The following PLCB4 variants were observed in gnomAD, a reference collection of about 807,000 sequenced individuals.
The protein encoded by PLCB4 is phospholipase C beta 4.
PLCB4 carries 77 observed loss-of-function variants against 178.8 expected under a neutral mutation model. The ratio of observed to expected loss-of-function variants is 0.43; its 90% CI spans 0.36 to 0.52. The LOEUF (loss-of-function observed/expected upper bound fraction) is 0.52, where lower values mean the gene tolerates loss of function less well. Ranked by LOEUF, PLCB4 falls within the 20% of genes least tolerant of loss-of-function variation. The pLI, the probability that PLCB4 is intolerant of heterozygous loss-of-function variation, is 0.00. For synonymous variants in PLCB4, 496 were observed against 490.8 expected (o/e 1.01, Z -0.14); for missense variants, 1,024 against 1,453.4 (o/e 0.70, Z 4.80).
rs144796179 is a variant in PLCB4, at chr20:9,113,764, A to C, written c.-79+17422A>C. 3.0e-3 allele frequency among the ~76,000 whole-genome samples: 464 copies of C among 152,338 alleles called. 2 individuals are homozygous for C. Among genetic ancestry groups the C allele is most frequent in the African/African-American group, 0.01 (417 of 41,576 alleles). ...CAATTTTCAGTGTCCCCAAGTCATT[A>C]TCAATATTGCATTAATGTAGAAATC... is the stretch of plus-strand genomic sequence containing the variant. On this transcript the variant is annotated intron_variant, in intron 2 of 39. Coordinates refer to ENST00000378473, the MANE Select transcript of PLCB4 (RefSeq NM_001377142.1).
intron 2 of PLCB4, among the ~76,000 whole-genome samples, chr20:9,206,299 C>CTTTCTTTTTTTTTTTTTTTT (rs2093612916): frequency 1.0e-5 from 1 of 96,126 alleles, no homozygotes; most frequent in African/African-American, 3.9e-5. Flanking sequence ...TTTCTTTTTT[C>CTTTCTTTTTTTTTTTTTTTT]TTTTTTTTTT....
intron 2 of PLCB4, among the ~76,000 whole-genome samples, chr20:9,204,262 AT>A (rs2093588924): frequency 6.7e-6 from 1 of 150,368 alleles, no homozygotes; most frequent in Non-Finnish European, 1.5e-5. Context: ...TTTTTTTTTC[AT>A]AGAGATTACT....
rs536214534 is a variant in PLCB4 at position 9,133,897 on chromosome 20, C to T, written c.-79+37555C>T. Among the ~76,000 whole-genome samples the T allele has an allele frequency of 2.0e-5, 3 of 152,262 alleles. No homozygotes were observed. In the South Asian group the frequency reaches 6.2e-4, roughly 32 times the overall value. The stretch of plus-strand genomic sequence containing the variant: ...CAGTGTCAACTCCAGGTGGGCTTCA[C>T]AATACTCCAGGTAGCTTTGAGAGAC... On this transcript the variant is annotated intron_variant, in intron 2 of 39. Coordinates refer to ENST00000378473, the MANE Select transcript of PLCB4 (RefSeq NM_001377142.1).
chr20:9,428,026 A>G (rs758542547), intron 28 of PLCB4, among the ~76,000 whole-genome samples: 1 of 152,290 alleles, frequency 6.6e-6, no homozygotes, highest in African/African-American at 2.4e-5. Context: ...CACCTTCCCT[A>G]TGATTAAAAA....
At position 9,409,294 on chromosome 20, in the gene PLCB4, CA is replaced by C. The variant is rs1230085927; in HGVS notation, c.1999+116del. On this transcript the variant is annotated intron_variant, in intron 24 of 39. Coordinates refer to ENST00000378473, the MANE Select transcript of PLCB4 (RefSeq NM_001377142.1). ...TTTTTTAAAGGAAGCAGACATATGG[CA>C]AAGCAATGTGTTATTGGATTTATAT... 1.2e-5 allele frequency: 8 copies of C among 674,864 alleles called. No individual in the cohort carries two copies. The East Asian group carries it at 2.3e-4, about 19-fold the overall frequency. The allele number at this position is 674,864 out of a possible 1,614,324, so 41.8% of individuals were successfully genotyped here.
intron 3 of PLCB4, among the ~76,000 whole-genome samples, chr20:9,304,774 T>C (rs2094745903): frequency 6.6e-6 from 1 of 151,606 alleles, no homozygotes; most frequent in Non-Finnish European, 1.5e-5. Flanking sequence ...TGAAGTCTGT[T>C]TGTCTCATGT....
chr20:9,270,265 C>G (rs937754077), intron 3 of PLCB4, among the ~76,000 whole-genome samples: 3 of 152,078 alleles, frequency 2.0e-5, no homozygotes, highest in African/African-American at 7.2e-5. Context: ...ATCATGTTAT[C>G]ACTGTCATAA....
intron 7 of PLCB4, among the ~76,000 whole-genome samples, chr20:9,355,508 T>C (rs560850962): frequency 4.0e-4 from 61 of 152,000 alleles, no homozygotes; most frequent in African/African-American, 1.4e-3. Context: ...TGTGTTCTCA[T>C]TGTTCAATTC....
At chr20:9,304,997 A>C in intron 3 of PLCB4, among the ~76,000 whole-genome samples, 1 of 149,892 alleles carries the variant, frequency 6.7e-6, no homozygotes, top group Non-Finnish European at 1.5e-5. Flanking sequence ...GTAACTCGTC[A>C]TTTAACATTA....
intron 3 of PLCB4, among the ~76,000 whole-genome samples, chr20:9,273,675 A>AGTGTGTGTGTGTGTGTGT (rs398035325): frequency 1.5e-5 from 2 of 135,852 alleles, no homozygotes; most frequent in African/African-American, 5.5e-5. Context: ...TTATGGTTGC[A>AGTGTGTGTGTGTGTGTGT]GTGTGTGTGT....
At chr20:9,447,114 A>C (rs958647567) in intron 32 of PLCB4, among the ~76,000 whole-genome samples, 1 of 152,212 alleles carries the variant, frequency 6.6e-6, no homozygotes, top group African/African-American at 2.4e-5. Flanking sequence ...GCTTAAGCAC[A>C]TATTCTTAGG....
At chr20:9,313,243 C>G (rs1421991759) in intron 4 of PLCB4, among the ~76,000 whole-genome samples, 3 of 152,148 alleles carry the variant, frequency 2.0e-5, no homozygotes, top group Non-Finnish European at 2.9e-5. Context: ...ATTAGTTTTT[C>G]AACTTTTATA....
chr20:9,467,557 T>C (rs2043881620), intron 35 of PLCB4, among the ~76,000 whole-genome samples: 1 of 152,262 alleles, frequency 6.6e-6, no homozygotes, highest in South Asian at 2.1e-4. Context: ...TTATTCTTGG[T>C]TAAAAATCTT....
At chr20:9,340,260 C>A (rs540719595) in intron 7 of PLCB4, among the ~76,000 whole-genome samples, 1 of 152,240 alleles carries the variant, frequency 6.6e-6, no homozygotes, top group East Asian at 1.9e-4. Flanking sequence ...GAATTGAGTT[C>A]TGTTGACCCC....
chr20:9,377,169 G>T (rs775828929), intron 12 of PLCB4, among the ~76,000 whole-genome samples: 1 of 152,160 alleles, frequency 6.6e-6, no homozygotes, highest in Admixed American at 6.5e-5. Context: ...CAGTAAGGAC[G>T]TAATACTGGA....
At chr20:9,381,432 C>A (rs1294823544) in intron 13 of PLCB4, among the ~76,000 whole-genome samples, 1 of 152,106 alleles carries the variant, frequency 6.6e-6, no homozygotes, top group East Asian at 1.9e-4. Flanking sequence ...AAGCACTGTG[C>A]CAGATGCTAG....
chr20:9,070,151 A>G (rs1381453412), intron 1 of PLCB4, among the ~76,000 whole-genome samples: 1 of 152,166 alleles, frequency 6.6e-6, no homozygotes, highest in Admixed American at 6.5e-5. Flanking sequence ...GCAGCTATGT[A>G]TCATTTTAAA....
intron 1 of PLCB4, among the ~76,000 whole-genome samples, chr20:9,086,896 T>C (rs2090452750): frequency 6.6e-6 from 1 of 152,250 alleles, no homozygotes; most frequent in South Asian, 2.1e-4. Context: ...TAGAACTATT[T>C]CTTTTATATT....
chr20:9,320,248 C>T (rs1213242327), intron 4 of PLCB4, among the ~76,000 whole-genome samples: 1 of 152,126 alleles, frequency 6.6e-6, no homozygotes, highest in Non-Finnish European at 1.5e-5. Context: ...GGGTTCCTCC[C>T]CTTTTTAGAC....
Sources: allele counts gnomAD v4.1 joint callset (sites outside exome capture counted in the v4.1 genomes callset), GRCh38; gene constraint gnomAD v4.1.1; transcripts MANE v1.5; gene names NCBI Gene and HGNC (gene_info 2026-07-23, HGNC 2026-07-21).